Variants in AFAP1 observed in about 807,000 individuals in gnomAD.
AFAP1 encodes actin filament associated protein 1.
A neutral mutation model predicts 93.9 loss-of-function variants in AFAP1; 75 were observed. The ratio of observed to expected loss-of-function variants is 0.80; its 90% CI spans 0.66 to 0.97. The LOEUF is 0.97. Ranked by LOEUF, AFAP1 falls within the 50% of genes least tolerant of loss-of-function variation. The pLI, the probability that AFAP1 is intolerant of heterozygous loss-of-function variation, is 0.00. For synonymous variants in AFAP1, 517 were observed against 430.7 expected, an observed-to-expected ratio of 1.20 and a Z score of -2.48; for missense variants, 1,201 against 1,050.8, an observed-to-expected ratio of 1.14 and a Z score of -1.98.
chr4:7,826,797 G>A (rs1249060552), intron 6 of AFAP1, among the ~76,000 whole-genome samples: 1 of 152,102 alleles, frequency 6.6e-6, no homozygotes, highest in Non-Finnish European at 1.5e-5. Context: ...TGGGGAGCAG[G>A]GTAGGAGGCG....
At chr4:7,779,174 G>T in intron 13 of AFAP1, 1 of 349,648 alleles carries the variant, frequency 2.9e-6, no homozygotes, top group South Asian at 3.3e-5. Context: ...GCTGGCGCAG[G>T]CAGCTGACTA....
At chr4:7,845,991 C>T (rs1713648497) in intron 4 of AFAP1, among the ~76,000 whole-genome samples, 1 of 152,184 alleles carries the variant, frequency 6.6e-6, no homozygotes. Context: ...CAGAAGATGT[C>T]ACTTTAGAGC....
intron 9 of AFAP1, among the ~76,000 whole-genome samples, chr4:7,806,951 G>A (rs1319060256): frequency 6.6e-6 from 1 of 152,172 alleles, no homozygotes; most frequent in South Asian, 2.1e-4. Flanking sequence ...AGCCACGGGA[G>A]TGTTCAGATC....
intron 12 of AFAP1, among the ~76,000 whole-genome samples, chr4:7,785,184 C>T (rs929712797): frequency 1.3e-5 from 2 of 152,088 alleles, no homozygotes; most frequent in East Asian, 1.9e-4. Context: ...GCTCAATACG[C>T]GGTTGTGAGA....
At chr4:7,864,265 C>T (rs376924152) in intron 3 of AFAP1, among the ~76,000 whole-genome samples, 47 of 152,328 alleles carry the variant, frequency 3.1e-4, no homozygotes, top group African/African-American at 8.4e-4. Context: ...CTACCTGCAA[C>T]GCTCCTAGTA....
chr4:7,865,889 C>G (rs1560208788), intron 3 of AFAP1, among the ~76,000 whole-genome samples: 1 of 152,140 alleles, frequency 6.6e-6, no homozygotes, highest in Non-Finnish European at 1.5e-5. Flanking sequence ...GTTCTGTGGT[C>G]TTGTTTTGTT....
At chr4:7,912,733 T>C (rs1478329378) in intron 1 of AFAP1, among the ~76,000 whole-genome samples, 1 of 152,220 alleles carries the variant, frequency 6.6e-6, no homozygotes, top group Non-Finnish European at 1.5e-5. Context: ...AGCTCCTCTT[T>C]TCATCTTTAT....
intron 1 of AFAP1, among the ~76,000 whole-genome samples, chr4:7,932,999 A>G (rs1369332030): frequency 7.0e-6 from 1 of 142,416 alleles, no homozygotes; most frequent in Non-Finnish European, 1.5e-5. Flanking sequence ...CAGCCTGGGC[A>G]ACAGAGTGAG....
intron 14 of AFAP1, chr4:7,775,180 C>A: frequency 5.9e-6 from 2 of 339,014 alleles, no homozygotes; most frequent in Non-Finnish European, 1.1e-5. Context: ...TGGGGTAACT[C>A]AAAAAGCCTG....
In AFAP1 at chr4:7,926,687, T is replaced by C. The variant is rs1431342589; in HGVS notation, c.-3+12969A>G. Among the ~76,000 whole-genome samples the C allele has an allele frequency of 3.3e-5, 5 of 152,312 alleles. No homozygotes were observed. In the East Asian group the frequency reaches 9.6e-4, roughly 29 times the overall value. On this transcript the variant is annotated intron_variant, in intron 1 of 17. Transcript: ENST00000420658. ...CAAGTGGCCAAGGTCCTATGGCTGC[T>C]GTAGGGCCTCTTCCCTAGAATGAGT... is the stretch of plus-strand genomic sequence containing the variant.
intron 4 of AFAP1, 66 bp downstream of exon 4, chr4:7,855,400 G>C: frequency 3.1e-6 from 4 of 1,280,860 alleles, no homozygotes; most frequent in Non-Finnish European, 4.4e-6. Context: ...CCCAGAAAGG[G>C]GACAGGCTCT....
chr4:7,812,917 G>A (rs763569075), intron 8 of AFAP1, among the ~76,000 whole-genome samples: 8 of 152,106 alleles, frequency 5.3e-5, no homozygotes, highest in South Asian at 2.1e-4. Flanking sequence ...GATGTGAAGT[G>A]GGGCTGAGGA....
At chr4:7,839,629 A>T (rs1380834627) in intron 5 of AFAP1, among the ~76,000 whole-genome samples, 1 of 151,942 alleles carries the variant, frequency 6.6e-6, no homozygotes, top group Admixed American at 6.6e-5. Flanking sequence ...TACAAAGCTG[A>T]TCCATCTACA....
rs1403613586 is a variant in AFAP1, at chr4:7,851,942, G to C, written c.334+3524C>G. Among the ~76,000 whole-genome samples, 4 of 152,156 alleles carry C rather than the reference G, an allele frequency of 2.6e-5. No homozygotes were observed. The East Asian group carries it at 7.7e-4, about 29-fold the overall frequency. On this transcript the variant is annotated intron_variant, in intron 4 of 17. Coordinates refer to ENST00000420658, the MANE Select transcript of AFAP1 (RefSeq NM_001134647.2). Reference sequence around the variant, plus strand: ...TCCATGATGGGATCCCCACACCATTGCTTCTGACCAGGGAACTCATTTACA... The same window carrying C: ...TCCATGATGGGATCCCCACACCATTCCTTCTGACCAGGGAACTCATTTACA...
At chr4:7,765,617 T>G (rs1412508940) in intron 17 of AFAP1, among the ~76,000 whole-genome samples, 1 of 152,118 alleles carries the variant, frequency 6.6e-6, no homozygotes, top group African/African-American at 2.4e-5. Flanking sequence ...GGTTTGGCCA[T>G]GGGATTGAGT....
chr4:7,764,087 T>C (rs531723350), intron 17 of AFAP1, among the ~76,000 whole-genome samples: 1 of 152,198 alleles, frequency 6.6e-6, no homozygotes, highest in Admixed American at 6.5e-5. Context: ...ACATGGCGAG[T>C]ACAGACAACA....
intron 3 of AFAP1, among the ~76,000 whole-genome samples, chr4:7,861,752 T>G (rs997346557): frequency 1.3e-5 from 2 of 152,248 alleles, no homozygotes; most frequent in African/African-American, 4.8e-5. Flanking sequence ...GGATTATACA[T>G]GAGCCAAAAC....
rs1325666763 is a variant in AFAP1, at chr4:7,939,573, C to A, written c.-3+83G>T. 5.2e-6 allele frequency: 2 copies of A among 386,914 alleles called. No homozygotes were observed. The highest frequency in any genetic ancestry group is 1.0e-5 in the Non-Finnish European group (2 of 198,256). The allele number at this position is 386,914 out of a possible 1,614,324, so 24.0% of individuals were successfully genotyped here. On this transcript the variant is annotated intron_variant, in intron 1 of 17. Coordinates refer to ENST00000420658, the MANE Select transcript of AFAP1 (RefSeq NM_001134647.2). The surrounding 1 kb of genome is among the most constrained non-coding windows in gnomAD (Gnocchi z 5.6). ...CCAGGCGCACGGACCCCGGACCCTG[C>A]GGAGCCCCGCTCGGAGCTTCCACGC...
At chr4:7,852,983 C>A (rs1035585323) in intron 4 of AFAP1, among the ~76,000 whole-genome samples, 1 of 152,120 alleles carries the variant, frequency 6.6e-6, no homozygotes, top group Non-Finnish European at 1.5e-5. Flanking sequence ...TCCCGTCACC[C>A]GGGCAATGGT....
Sources: gnomAD v4.1 joint callset for allele counts (sites outside exome capture counted in the v4.1 genomes callset) on GRCh38, gnomAD v4.1.1 for gene constraint, Gnocchi (gnomAD v3.1) non-coding constraint, MANE v1.5 for transcripts, NCBI Gene and HGNC (gene_info 2026-07-23, HGNC 2026-07-21) for gene names.